Variants in ASB15 observed in about 807,000 individuals in gnomAD.
ASB15 encodes the protein ankyrin repeat and SOCS box protein 15.
Under a neutral mutation model 58.0 loss-of-function variants are expected in ASB15, and 54 were observed. The observed-to-expected ratio is 0.93, with a 90% CI of 0.75 to 1.17. ASB15 has a LOEUF of 1.17. ASB15 is among the 50% of genes most tolerant of loss of function. The pLI, the probability that ASB15 is intolerant of heterozygous loss-of-function variation, is 0.00. For missense variants in ASB15, 680 were observed against 707.4 expected (o/e 0.96, Z 0.44); for synonymous variants, 249 against 262.4 (o/e 0.95, Z 0.50).
intron 11 of ASB15, among the ~76,000 whole-genome samples, chr7:123,630,626 A>C (rs1012598139): frequency 6.6e-6 from 1 of 152,166 alleles, no homozygotes; most frequent in African/African-American, 2.4e-5. Flanking sequence ...TGTCTTTTCT[A>C]GGTGAAAGTT....
At chr7:123,578,689 A>G (rs980476756) in intron 1 of ASB15, among the ~76,000 whole-genome samples, 3 of 152,090 alleles carry the variant, frequency 2.0e-5, no homozygotes, top group East Asian at 3.9e-4. Context: ...TCAATAGCTT[A>G]GTCTTTTCTT....
Position 123,604,079 on chromosome 7 carries a change from G to A in ASB15, c.-197G>A, listed in dbSNP as rs998849778. On this transcript the variant is annotated 5_prime_UTR_variant, in exon 2 of 12. Transcript: ENST00000451215. ...GAGGTGAGGCCATCTTATAGGAAGA[G>A]CAGTTGTCCAGCCTCTGGAAGAAAA... 3.9e-5 allele frequency: 6 copies of A among 152,240 alleles called. No homozygotes were observed. Among genetic ancestry groups the A allele is most frequent in the Non-Finnish European group, 8.8e-5 (6 of 68,098 alleles). 9.4% of individuals were successfully genotyped at this position (152,240 alleles called of 1,614,324 possible). A position where few individuals can be genotyped will look rare whatever the true frequency, so the allele number is the denominator to read the frequency against.
intron 4 of ASB15, chr7:123,615,250 AAAGTAAATTTCTTTC>A (rs1382835216): frequency 2.0e-5 from 3 of 152,220 alleles, no homozygotes; most frequent in African/African-American, 7.2e-5. Flanking sequence ...TAAAACTGCA[AAAGTAAATTTCTTTC>A]TTAAAAAAAC....
upstream of ASB15, among the ~76,000 whole-genome samples, chr7:123,597,932 G>GTGTGTC (rs1308653672): frequency 1.3e-5 from 2 of 151,210 alleles, no homozygotes; most frequent in African/African-American, 4.9e-5. Flanking sequence ...GTGTGTGTGT[G>GTGTGTC]TGTGTGTGTG....
chr7:123,583,652 T>G (rs1357134846), intron 1 of ASB15, among the ~76,000 whole-genome samples: 1 of 151,964 alleles, frequency 6.6e-6, no homozygotes, highest in East Asian at 1.9e-4. Context: ...GAAAGATTTT[T>G]TCGGAGAGAA....
At chr7:123,618,261 T>G (rs1421797901) in intron 7 of ASB15, among the ~76,000 whole-genome samples, 2 of 152,190 alleles carry the variant, frequency 1.3e-5, no homozygotes, top group Admixed American at 1.3e-4. Flanking sequence ...TTACCAGCTC[T>G]GTCTTGTATA....
rs780978656 is a variant in ASB15, at chr7:123,627,249, T to C, written c.837T>C (p.Pro279=). ...TACCTAACCGAGCAGGACATCTTCC[T>C]ATACACCGAGCTGCCTATGAGGGGC... ...GNVPNRAGHL[P]IHRAAYEGHY... is the part of the protein sequence containing the mutation. Residue 279 remains proline (P), a synonymous_variant, in exon 9 of 12, where the codon CCT becomes CCC. Coordinates refer to ENST00000451215, the MANE Select transcript of ASB15 (RefSeq NM_001290258.2). 1.2e-6 allele frequency: 2 copies of C among 1,613,788 alleles called. No individual in the cohort carries two copies. Among genetic ancestry groups the C allele is most frequent in the East Asian group, 2.2e-5 (1 of 44,876 alleles).
chr7:123,627,036 C>A, intron 8 of ASB15, 74 bp from the exon 9 acceptor site: 1 of 1,476,264 alleles, frequency 6.8e-7, no homozygotes, highest in South Asian at 1.3e-5. Context: ...CCCAGCCCCA[C>A]AACAGGCTGT....
At chr7:123,616,045 T>C (rs1159313961) in intron 4 of ASB15, among the ~76,000 whole-genome samples, 176 bp from the exon 5 acceptor site, 3 of 152,174 alleles carry the variant, frequency 2.0e-5, no homozygotes, top group Admixed American at 2.0e-4. Context: ...ATAAATATAC[T>C]CTGTGTCTGA....
At chr7:123,581,656 A>C (rs1799237697) in intron 1 of ASB15, among the ~76,000 whole-genome samples, 1 of 152,024 alleles carries the variant, frequency 6.6e-6, no homozygotes, top group East Asian at 1.9e-4. Flanking sequence ...TGATTTGCTC[A>C]GAGTGAGAAC....
intron 11 of ASB15, among the ~76,000 whole-genome samples, chr7:123,635,774 TG>T (rs1016503179): frequency 6.6e-6 from 1 of 151,908 alleles, no homozygotes; most frequent in African/African-American, 2.4e-5. Context: ...TCCAGCTATC[TG>T]TAAGGCAGCA....
rs1328607747 is a variant in ASB15 at position 123,627,300 on chromosome 7, GGTAATTATTTGA to G, written c.869+22_869+33del. The G allele has an allele frequency of 3.2e-6, 5 of 1,587,272 alleles. No individual in the cohort carries two copies. The African/African-American group carries it at 5.4e-5, about 17-fold the overall frequency. On this transcript the variant is annotated intron_variant, in intron 9 of 11. Coordinates refer to ENST00000451215, the MANE Select transcript of ASB15 (RefSeq NM_001290258.2). ...ATTATCTGTGAGTGATAAATTATAGGGTAATTATTTGAGTTAAAAATGCTAATTTGTATATAC... is the reference window on the plus strand; with the variant it reads ...ATTATCTGTGAGTGATAAATTATAGGGTTAAAAATGCTAATTTGTATATAC...
At chr7:123,590,843 G>T (rs1799516972) in intron 1 of ASB15, among the ~76,000 whole-genome samples, 2 of 152,176 alleles carry the variant, frequency 1.3e-5, no homozygotes, top group East Asian at 1.9e-4. Context: ...AACAAAGGCA[G>T]TGGTAGCTTG....
At chr7:123,594,942 C>T (rs932742453) in intron 1 of ASB15, among the ~76,000 whole-genome samples, 1 of 152,162 alleles carries the variant, frequency 6.6e-6, no homozygotes, top group African/African-American at 2.4e-5. Context: ...TGTGCTCCAC[C>T]CAGTTCGAGC....
chr7:123,631,435 T>C (rs1802110346), intron 11 of ASB15, among the ~76,000 whole-genome samples: 1 of 152,238 alleles, frequency 6.6e-6, no homozygotes, highest in Non-Finnish European at 1.5e-5. Context: ...CAGTGTGCTA[T>C]GAAATATTGT....
At chr7:123,577,599 G>C (rs984555427) in intron 1 of ASB15, among the ~76,000 whole-genome samples, 2 of 152,062 alleles carry the variant, frequency 1.3e-5, no homozygotes, top group Non-Finnish European at 2.9e-5. Flanking sequence ...CTCAGGTTTT[G>C]AAAACTCCAA....
intron 1 of ASB15, among the ~76,000 whole-genome samples, chr7:123,583,033 C>T (rs1345314738): frequency 6.6e-6 from 1 of 151,886 alleles, no homozygotes; most frequent in Non-Finnish European, 1.5e-5. Flanking sequence ...GCATCACAAA[C>T]AAATATTGTA....
At chr7:123,617,332 T>C (rs1178922751) in intron 6 of ASB15, among the ~76,000 whole-genome samples, 1 of 152,180 alleles carries the variant, frequency 6.6e-6, no homozygotes, top group African/African-American at 2.4e-5. Flanking sequence ...AAATGAGACT[T>C]AGCACATCAT....
chr7:123,635,695 T>G (rs1483548176), intron 11 of ASB15, among the ~76,000 whole-genome samples: 1 of 151,340 alleles, frequency 6.6e-6, no homozygotes, highest in East Asian at 1.9e-4. Context: ...TCCATCATAC[T>G]TTACTGCAAC....
Sources: gnomAD v4.1 joint callset for allele counts (sites outside exome capture counted in the v4.1 genomes callset) on GRCh38, gnomAD v4.1.1 for gene constraint, MANE v1.5 for transcripts, NCBI Gene and HGNC (gene_info 2026-07-23, HGNC 2026-07-21) for gene names.